MPP7: variants seen among roughly 807,000 people sequenced by gnomAD.
MPP7 encodes the protein MAGUK p55 subfamily member 7.
Under a neutral mutation model 76.5 loss-of-function variants are expected in MPP7, and 60 were observed. The observed-to-expected ratio is 0.78, with a 90% CI of 0.64 to 0.97. MPP7 has a LOEUF of 0.97. Ranked by LOEUF, MPP7 falls within the 50% of genes least tolerant of loss-of-function variation. The probability of loss-of-function intolerance (pLI) is 0.00; values close to 1 mark genes in which losing one functional copy is unlikely to be tolerated. For missense variants in MPP7, 641 were observed against 694.0 expected, an observed-to-expected ratio of 0.92 and a Z score of 0.86; for synonymous variants, 237 against 244.5, an observed-to-expected ratio of 0.97 and a Z score of 0.29.
chr10:28,192,877 A>C (rs1837454997), intron 3 of MPP7, among the ~76,000 whole-genome samples: 1 of 152,232 alleles, frequency 6.6e-6, no homozygotes, highest in South Asian at 2.1e-4. Context: ...CTAACTATAA[A>C]GCTAAGGTAA....
intron 3 of MPP7, among the ~76,000 whole-genome samples, chr10:28,199,939 T>G (rs1188419376): frequency 6.6e-6 from 1 of 152,014 alleles, no homozygotes; most frequent in East Asian, 1.9e-4. Context: ...AATTCTGTAC[T>G]AGAATAAAAT....
chr10:28,248,763 C>T (rs1201507841), intron 1 of MPP7, among the ~76,000 whole-genome samples: 1 of 152,176 alleles, frequency 6.6e-6, no homozygotes, highest in Non-Finnish European at 1.5e-5. Flanking sequence ...GTTCCAATTG[C>T]CAGAAATATC....
intron 2 of MPP7, among the ~76,000 whole-genome samples, chr10:28,329,254 TG>T (rs1802506293): frequency 6.6e-6 from 1 of 152,210 alleles, no homozygotes. Flanking sequence ...GTTTCTGGTT[TG>T]TTGTTGTAAC....
intron 2 of MPP7, among the ~76,000 whole-genome samples, chr10:28,202,637 A>G (rs1837816105): frequency 6.6e-6 from 1 of 152,228 alleles, no homozygotes; most frequent in African/African-American, 2.4e-5. Context: ...GAAATGAGTT[A>G]TGAATAGGAA....
rs184469343 is a variant in MPP7 at position 28,331,936 on chromosome 10, T to C, written c.-205-1934A>G. On this transcript the variant is annotated intron_variant, in intron 1 of 11. Transcript: ENST00000441595. Reference sequence around the variant, plus strand: ...TTTGTATTCCTACAATTCATCTCCTTGGTATTGCTGAAGTCACAGGCACTA... The same window carrying C: ...TTTGTATTCCTACAATTCATCTCCTCGGTATTGCTGAAGTCACAGGCACTA... Among the ~76,000 whole-genome samples the C allele has an allele frequency of 1.8e-3, 275 of 152,258 alleles. 1 individual carries two copies. Among genetic ancestry groups the C allele is most frequent in the South Asian group, 0.017 (80 of 4,828 alleles).
intron 3 of MPP7, among the ~76,000 whole-genome samples, chr10:28,177,260 CAA>C (rs57984876): frequency 0.014 from 1,489 of 104,120 alleles, 22 homozygotes; most frequent in African/African-American, 0.033. Context: ...ACTAAAAATG[CAA>C]AAAAAAAAAA....
At chr10:28,071,703 A>C (rs1312324394) in intron 12 of MPP7, among the ~76,000 whole-genome samples, 1 of 152,214 alleles carries the variant, frequency 6.6e-6, no homozygotes, top group Non-Finnish European at 1.5e-5. Flanking sequence ...AATTCTTGGC[A>C]TGACTAGAGC....
intron 1 of MPP7, among the ~76,000 whole-genome samples, chr10:28,294,370 T>C (rs1406227794): frequency 1.3e-5 from 2 of 152,218 alleles, no homozygotes; most frequent in African/African-American, 4.8e-5. Flanking sequence ...CAGTGTGTTC[T>C]AAAGATGACT....
At chr10:28,153,907 A>G (rs955334148) in intron 3 of MPP7, among the ~76,000 whole-genome samples, 1 of 152,170 alleles carries the variant, frequency 6.6e-6, no homozygotes, top group African/African-American at 2.4e-5. Flanking sequence ...TTGACTCTTC[A>G]GCATGTTAAT....
chr10:28,328,438 G>C (rs1834439836), intron 2 of MPP7, among the ~76,000 whole-genome samples: 1 of 152,032 alleles, frequency 6.6e-6, no homozygotes, highest in South Asian at 2.1e-4. Flanking sequence ...CCCTAGTTAA[G>C]TTTATAAGTT....
intron 13 of MPP7, 149 bp from the exon 14 acceptor site, chr10:28,059,892 G>T: frequency 1.6e-6 from 1 of 623,686 alleles, no homozygotes. Flanking sequence ...AATACAGTAA[G>T]CTGTTATAAA....
intron 15 of MPP7, 75 bp from the exon 16 acceptor site, chr10:28,056,698 A>C: frequency 7.8e-7 from 1 of 1,282,134 alleles, no homozygotes; most frequent in Non-Finnish European, 1.0e-6. Context: ...TTCTAGGAGA[A>C]AATTCCTCAA....
Position 28,234,675 on chromosome 10 carries a change from T to C in MPP7, c.37+3893A>G, listed in dbSNP as rs78117142. On this transcript the variant is annotated intron_variant, in intron 2 of 16. Coordinates refer to ENST00000683449, the MANE Select transcript of MPP7 (RefSeq NM_001318170.2). Reference sequence around the variant, plus strand: ...ACCCCACAAACACATAACCCCAATCTTTTCACAAGAAAAATATCAGACAAA... The same window carrying C: ...ACCCCACAAACACATAACCCCAATCCTTTCACAAGAAAAATATCAGACAAA... Among the ~76,000 whole-genome samples, 395 of 152,230 alleles carry C rather than the reference T, an allele frequency of 2.6e-3. 12 individuals are homozygous for C. The East Asian group carries it at 0.063, about 24-fold the overall frequency.
chr10:28,062,441 AAAG>A (rs916496631), intron 13 of MPP7, among the ~76,000 whole-genome samples: 41 of 152,228 alleles, frequency 2.7e-4, no homozygotes, highest in African/African-American at 9.9e-4. Flanking sequence ...GAAGGCAGAA[AAAG>A]AAGAAAAATA....
intron 1 of MPP7, among the ~76,000 whole-genome samples, chr10:28,255,645 T>C (rs1268196410): frequency 1.3e-5 from 2 of 152,154 alleles, no homozygotes; most frequent in Non-Finnish European, 2.9e-5. Flanking sequence ...GACCTCTTTA[T>C]CCACCTGCCT....
intron 2 of MPP7, among the ~76,000 whole-genome samples, chr10:28,314,813 CAGG>C (rs1841309426): frequency 2.6e-5 from 4 of 152,096 alleles, no homozygotes; most frequent in South Asian, 2.1e-4. Context: ...ATTTCAAAAT[CAGG>C]AGATTTCTTG....
chr10:28,054,449 A>C (rs759829131), intron 16 of MPP7, among the ~76,000 whole-genome samples: 1 of 152,192 alleles, frequency 6.6e-6, no homozygotes, highest in Non-Finnish European at 1.5e-5. Context: ...TGCTTGTAAC[A>C]AAAAACTACT....
chr10:28,059,913 C>T (rs1564610570), intron 13 of MPP7, among the ~76,000 whole-genome samples, 170 bp from the exon 14 acceptor site: 1 of 152,100 alleles, frequency 6.6e-6, no homozygotes. Flanking sequence ...TCCAGATTTT[C>T]CACTGTTATT....
At chr10:28,245,130 T>C (rs1286565719) in intron 1 of MPP7, among the ~76,000 whole-genome samples, 1 of 152,188 alleles carries the variant, frequency 6.6e-6, no homozygotes, top group African/African-American at 2.4e-5. Flanking sequence ...CCACTGACCA[T>C]CAATGACCCA....
Sources: gnomAD v4.1 joint callset for allele counts (sites outside exome capture counted in the v4.1 genomes callset) on GRCh38, gnomAD v4.1.1 for gene constraint, MANE v1.5 for transcripts, NCBI Gene and HGNC (gene_info 2026-07-23, HGNC 2026-07-21) for gene names.